Variants in PDE1C observed in about 807,000 individuals in gnomAD.
PDE1C encodes the protein phosphodiesterase 1C, also known as dual specificity calcium/calmodulin-dependent 3',5'-cyclic nucleotide phosphodiesterase 1C.
A neutral mutation model predicts 93.1 loss-of-function variants in PDE1C; 62 were observed. The ratio of observed to expected loss-of-function variants is 0.67; its 90% CI spans 0.54 to 0.82. The LOEUF is 0.82. PDE1C is among the 40% of genes least tolerant of loss of function. The probability of loss-of-function intolerance (pLI) is 0.00; values close to 1 mark genes in which losing one functional copy is unlikely to be tolerated. For missense variants in PDE1C, 742 were observed against 884.6 expected (o/e 0.84, Z 2.04); for synonymous variants, 325 against 310.1 (o/e 1.05, Z -0.50).
intron 1 of PDE1C, among the ~76,000 whole-genome samples, chr7:32,364,103 A>C (rs1167874615): frequency 6.6e-6 from 1 of 152,212 alleles, no homozygotes; most frequent in Non-Finnish European, 1.5e-5. Context: ...CACTATTATG[A>C]AAAGTGGATA....
chr7:32,258,897 C>T (rs28394389), intron 1 of PDE1C, among the ~76,000 whole-genome samples: 17,806 of 152,144 alleles, frequency 0.12, 1,200 homozygotes, highest in African/African-American at 0.16. Context: ...CCTCAGTCTT[C>T]CCATGTGTGA....
intron 1 of PDE1C, among the ~76,000 whole-genome samples, chr7:32,422,021 A>G (rs1409215908): frequency 2.0e-5 from 3 of 152,148 alleles, no homozygotes; most frequent in African/African-American, 7.2e-5. Context: ...CTGCCTTGGT[A>G]AGACTCTGGG....
rs947806921 is a variant in PDE1C, at chr7:32,334,151, A to T, written c.310+93671T>A. On this transcript the variant is annotated intron_variant, in intron 1 of 1. Transcript: ENST00000672256. ...TTTACCCTATTTAATTCATATTTTG[A>T]TCAAATTTCTTTCAGTAAAACTAAA... is the stretch of plus-strand genomic sequence containing the variant. 2.6e-5 allele frequency among the ~76,000 whole-genome samples: 4 copies of T among 152,188 alleles called. No homozygotes were observed. In the South Asian group the frequency reaches 8.3e-4, roughly 32 times the overall value.
At chr7:31,678,942 G>A in the PDE1C span, among the ~76,000 whole-genome samples, 1 of 152,222 alleles carries the variant, frequency 6.6e-6, no homozygotes, top group South Asian at 2.1e-4. Context: ...AAAGCAAAAG[G>A]ATACAATTTC....
At chr7:32,030,530 C>A (rs957882258) in intron 2 of PDE1C, among the ~76,000 whole-genome samples, 2 of 152,124 alleles carry the variant, frequency 1.3e-5, no homozygotes, top group African/African-American at 4.8e-5. Flanking sequence ...TAGGCTTCTA[C>A]GTACATGTTG....
intron 2 of PDE1C, among the ~76,000 whole-genome samples, chr7:32,036,371 A>G (rs954738659): frequency 3.3e-5 from 5 of 152,178 alleles, no homozygotes; most frequent in African/African-American, 1.2e-4. Context: ...TCATATTAGA[A>G]AAGATGGAAG....
At chr7:31,846,078 T>C (rs1792537688) in intron 9 of PDE1C, among the ~76,000 whole-genome samples, 1 of 152,116 alleles carries the variant, frequency 6.6e-6, no homozygotes, top group Non-Finnish European at 1.5e-5. Flanking sequence ...GAAGGATTTG[T>C]GTGAGGGCTT....
intron 1 of PDE1C, among the ~76,000 whole-genome samples, chr7:32,379,906 C>T (rs1784501656): frequency 2.0e-5 from 3 of 152,128 alleles, no homozygotes. Context: ...ATCAGTGTTG[C>T]CAGGACTCCT....
intron 3 of PDE1C, among the ~76,000 whole-genome samples, chr7:32,116,810 T>G (rs1351986078): frequency 6.6e-6 from 1 of 152,186 alleles, no homozygotes; most frequent in Non-Finnish European, 1.5e-5. Flanking sequence ...AACTACAAAT[T>G]TATGGAATTA....
chr7:31,782,986 G>A (rs896028874), intron 16 of PDE1C, among the ~76,000 whole-genome samples: 2 of 152,106 alleles, frequency 1.3e-5, no homozygotes, highest in African/African-American at 2.4e-5. Context: ...ATGCATTTTC[G>A]ACTTACAGTT....
At chr7:31,643,357 C>G in the PDE1C span, 2 of 1,614,004 alleles carry the variant, frequency 1.2e-6, no homozygotes, top group Non-Finnish European at 1.7e-6. Flanking sequence ...ATCTGAAAAG[C>G]TCATTCCCCA....
chr7:32,114,574 G>A (rs1798875378), intron 3 of PDE1C, among the ~76,000 whole-genome samples: 2 of 152,106 alleles, frequency 1.3e-5, no homozygotes, highest in Admixed American at 6.6e-5. Flanking sequence ...ATTTCATGAG[G>A]AAAATGCCAA....
chr7:31,913,488 G>A (rs1327838062), intron 2 of PDE1C, among the ~76,000 whole-genome samples: 4 of 152,160 alleles, frequency 2.6e-5, no homozygotes, highest in Admixed American at 2.6e-4. Context: ...TCAACACTGG[G>A]TCAGAAAGAC....
At chr7:31,770,850 C>T (rs1405502099) in intron 17 of PDE1C, among the ~76,000 whole-genome samples, 1 of 152,018 alleles carries the variant, frequency 6.6e-6, no homozygotes, top group Non-Finnish European at 1.5e-5. Flanking sequence ...TGATATGGTT[C>T]CCTCTCCATG....
chr7:32,420,568 G>A (rs947122842), intron 1 of PDE1C, among the ~76,000 whole-genome samples: 10 of 150,282 alleles, frequency 6.7e-5, no homozygotes, highest in African/African-American at 2.4e-4. Context: ...AAAAAAGGGG[G>A]GGTGGTAATA....
intron 2 of PDE1C, among the ~76,000 whole-genome samples, chr7:31,888,124 C>A (rs111907502): frequency 0.075 from 11,377 of 151,608 alleles, 564 homozygotes; most frequent in Middle Eastern, 0.14. Context: ...GTGGCAGGTG[C>A]CTGTAGTCCC....
intron 2 of PDE1C, among the ~76,000 whole-genome samples, chr7:31,965,191 A>G (rs1432638518): frequency 6.7e-6 from 1 of 149,372 alleles, no homozygotes; most frequent in Non-Finnish European, 1.5e-5. Flanking sequence ...ACCAATGGCA[A>G]AGAAGTTAAA....
chr7:32,418,698 A>G (rs990179822), intron 1 of PDE1C, among the ~76,000 whole-genome samples: 3 of 152,198 alleles, frequency 2.0e-5, no homozygotes, highest in Admixed American at 2.0e-4. Context: ...AGAAGAAGGT[A>G]CTGAGTTATT....
At chr7:31,746,811 C>T (rs935383170), downstream of PDE1C, among the ~76,000 whole-genome samples, 2 of 151,892 alleles carry the variant, frequency 1.3e-5, no homozygotes, top group South Asian at 2.1e-4. Context: ...TCGACATGTC[C>T]TAATTGAGAG....
Sources: allele counts gnomAD v4.1 joint callset (sites outside exome capture counted in the v4.1 genomes callset), GRCh38; gene constraint gnomAD v4.1.1; transcripts MANE v1.5; gene names NCBI Gene and HGNC (gene_info 2026-07-23, HGNC 2026-07-21).